The following TTI1 variants were observed in gnomAD, a reference collection of about 807,000 sequenced individuals.
TTI1 encodes TELO2-interacting protein 1 homolog.
Under a neutral mutation model 85.4 loss-of-function variants are expected in TTI1, and 52 were observed. The observed-to-expected ratio is 0.61, with a 90% CI of 0.49 to 0.77. TTI1 has a LOEUF of 0.77. Ranked by LOEUF, TTI1 falls within the 30% of genes least tolerant of loss-of-function variation. The pLI is 0.00. For missense variants in TTI1, 1,173 were observed against 1,296.0 expected, an observed-to-expected ratio of 0.91 and a Z score of 1.46; for synonymous variants, 512 against 503.9, an observed-to-expected ratio of 1.02 and a Z score of -0.22.
intron 1 of TTI1, among the ~76,000 whole-genome samples, chr20:38,020,319 A>ATAT (rs1555795761): frequency 3.4e-4 from 15 of 44,166 alleles, no homozygotes; most frequent in African/African-American, 1.5e-3. Flanking sequence ...TGAAAAAAAA[A>ATAT]AAAAATATAT....
intron 7 of TTI1, among the ~76,000 whole-genome samples, chr20:37,988,481 C>T (rs1378545032): frequency 1.3e-5 from 2 of 152,230 alleles, no homozygotes; most frequent in African/African-American, 4.8e-5. Flanking sequence ...CCAATGAGGG[C>T]CCAGTGAAGC....
At chr20:38,019,053 G>A (rs1304733968) in intron 1 of TTI1, 2 of 151,906 alleles carry the variant, frequency 1.3e-5, no homozygotes, top group Non-Finnish European at 2.9e-5. Flanking sequence ...GGGAGGCTCA[G>A]TTGGAAGGAT....
chr20:38,011,621 A>T lies in TTI1; in HGVS notation c.2196T>A (p.Pro732=). ...CATCTTGAACCACATCTGCCACCAA[A>T]GGAAGCAGGTTAGCATCTGAGTTCC... The part of the protein sequence containing the change: ...MLRNSDANLL[P]LVADVVQDVL... Residue 732 remains proline, a synonymous_variant, in exon 2 of 8, where the codon CCT becomes CCA. Transcript: ENST00000373447. 6.2e-7 allele frequency: 1 copy of T among 1,614,234 alleles called. No individual in the cohort carries two copies. The highest frequency in any genetic ancestry group is 8.5e-7 in the Non-Finnish European group (1 of 1,180,040).
chr20:38,025,299 TG>T (rs1386383900), intron 1 of TTI1, among the ~76,000 whole-genome samples: 3 of 152,198 alleles, frequency 2.0e-5, no homozygotes, highest in Non-Finnish European at 4.4e-5. Flanking sequence ...TATGCCGTGG[TG>T]GCTCACACCT....
intron 2 of TTI1, 145 bp from the exon 3 acceptor site, chr20:38,006,542 T>C: frequency 1.2e-6 from 1 of 822,498 alleles, no homozygotes; most frequent in Non-Finnish European, 1.9e-6. Flanking sequence ...CAGTTGCCCA[T>C]TAACTCATCC....
intron 1 of TTI1, among the ~76,000 whole-genome samples, chr20:38,022,609 G>A (rs1258858052): frequency 6.6e-6 from 1 of 152,124 alleles, no homozygotes; most frequent in East Asian, 1.9e-4. Flanking sequence ...TTCTTCTCTT[G>A]GGGTGAGTTT....
chr20:38,013,595 C>G lies in TTI1; in HGVS notation c.222G>C (p.Val74=). The change falls in exon 2 of 8, where the codon GTG becomes GTC. Residue 74 remains valine (V), a synonymous_variant. Transcript: ENST00000373447. ...AAAGGACAAATGTGAGGCATTCCACCACACTTTGGATCAAACGCTCTCTTT... is the reference window on the plus strand; with the variant it reads ...AAAGGACAAATGTGAGGCATTCCACGACACTTTGGATCAAACGCTCTCTTT... ...GPKRERLIQS[V]VECLTFVLSS... is the part of the protein sequence containing the mutation. 6.2e-7 allele frequency: 1 copy of G among 1,614,198 alleles called. No homozygotes were observed. Among genetic ancestry groups the G allele is most frequent in the East Asian group, 2.2e-5 (1 of 44,884 alleles).
intron 1 of TTI1, among the ~76,000 whole-genome samples, chr20:38,029,592 A>C (rs1600661603): frequency 6.8e-6 from 1 of 145,994 alleles, no homozygotes; most frequent in East Asian, 2.0e-4. Context: ...GAGAGAGAGG[A>C]GAGAGAAGAG....
intron 1 of TTI1, chr20:38,018,909 A>G (rs2122620324): frequency 6.6e-6 from 1 of 152,194 alleles, no homozygotes; most frequent in Middle Eastern, 3.4e-3. Flanking sequence ...CAGCACTTTG[A>G]GAGGCTGCGG....
intron 5 of TTI1, 97 bp downstream of exon 5, chr20:37,999,091 C>A: frequency 8.0e-7 from 1 of 1,242,844 alleles, no homozygotes; most frequent in South Asian, 3.3e-5. Context: ...TGTGACATTG[C>A]AATCGGGTGA....
At chr20:38,014,265 A>C (rs1460063118) in intron 1 of TTI1, among the ~76,000 whole-genome samples, 1 of 152,240 alleles carries the variant, frequency 6.6e-6, no homozygotes, top group East Asian at 1.9e-4. Context: ...GTATACATAT[A>C]GTAAAATGCA....
chr20:38,017,928 G>A (rs1471538661), intron 1 of TTI1, among the ~76,000 whole-genome samples: 1 of 152,214 alleles, frequency 6.6e-6, no homozygotes, highest in African/African-American at 2.4e-5. Flanking sequence ...GGCTTACCAG[G>A]ATTGCAACCC....
Position 38,030,528 on chromosome 20 carries a change from A to AACACACACACACACACAC in TTI1, c.-42+2858_-42+2875dup, listed in dbSNP as rs3038751. ...TATTAGGAAATTCAGCAGTATGTAA[A>AACACACACACACACACAC]ACACACACACACACACACACACACA... On this transcript the variant is annotated intron_variant, in intron 1 of 7. Transcript: ENST00000373447. Among the ~76,000 whole-genome samples the AACACACACACACACACAC allele has an allele frequency of 3.5e-3, 509 of 144,916 alleles. 3 individuals carry two copies. The highest frequency in any genetic ancestry group is 0.011 in the African/African-American group (414 of 38,714).
Position 38,012,876 on chromosome 20 carries a change from A to G in TTI1, c.941T>C (p.Val314Ala). The G allele has an allele frequency of 1.9e-6, 3 of 1,614,216 alleles. No homozygotes were observed. Among genetic ancestry groups the G allele is most frequent in the Non-Finnish European group, 2.5e-6 (3 of 1,180,032 alleles). Residue 314 changes from valine to alanine, a missense_variant, in exon 2 of 8, where the codon GTG becomes GCG. By Grantham distance (64) the Val-to-Ala change is moderately conservative. Coordinates refer to ENST00000373447, the MANE Select transcript of TTI1 (RefSeq NM_001303457.2). The part of the protein sequence containing the change: ...WKVRLELVEL[V>A]EDLLLKCSQS... Reference sequence around the variant, plus strand: ...ACTGCACTTCAAAAGAAGGTCCTCCACAAGTTCTACCAGTTCCAGTCTCAC... The same window carrying G: ...ACTGCACTTCAAAAGAAGGTCCTCCGCAAGTTCTACCAGTTCCAGTCTCAC...
intron 2 of TTI1, among the ~76,000 whole-genome samples, chr20:38,009,514 A>T (rs373357662): frequency 3.0e-4 from 45 of 148,242 alleles, no homozygotes; most frequent in East Asian, 1.2e-3. Flanking sequence ...TTATTTATTT[A>T]TTTTTTTTTT....
At chr20:38,024,224 A>G (rs994431775) in intron 1 of TTI1, among the ~76,000 whole-genome samples, 2 of 152,196 alleles carry the variant, frequency 1.3e-5, no homozygotes, top group Middle Eastern at 3.2e-3. Context: ...TCAGGTAACT[A>G]AAGTATGTTT....
chr20:38,009,964 G>A (rs73905523), intron 2 of TTI1, among the ~76,000 whole-genome samples: 1,907 of 152,154 alleles, frequency 0.013, 39 homozygotes, highest in African/African-American at 0.043. Context: ...TTTCCTTCAC[G>A]GTGTTTATCA....
chr20:38,002,046 G>A (rs1395110716), intron 4 of TTI1, among the ~76,000 whole-genome samples: 3 of 152,072 alleles, frequency 2.0e-5, no homozygotes, highest in South Asian at 2.1e-4. Flanking sequence ...CCTGCTTGGG[G>A]GTAGAGAGGA....
intron 2 of TTI1, among the ~76,000 whole-genome samples, chr20:38,008,160 G>A (rs1323037429): frequency 6.6e-6 from 1 of 152,168 alleles, no homozygotes; most frequent in African/African-American, 2.4e-5. Context: ...TGGCAAAACT[G>A]GCACTCTCGT....
Sources: gnomAD v4.1 joint callset for allele counts (sites outside exome capture counted in the v4.1 genomes callset) on GRCh38, gnomAD v4.1.1 for gene constraint, MANE v1.5 for transcripts, NCBI Gene and HGNC (gene_info 2026-07-23, HGNC 2026-07-21) for gene names.